SAXO4: variants seen among roughly 807,000 people sequenced by gnomAD.
SAXO4 encodes stabilizer of axonemal microtubules 4.
At chr11:61,490,498 C>A in the SAXO4 span, 1 of 1,614,012 alleles carries the variant, frequency 6.2e-7, no homozygotes, top group Non-Finnish European at 8.5e-7. Context: ...TGCCTCCCTG[C>A]AGAACCCTGA....
the SAXO4 span, chr11:61,482,173 T>C: frequency 1.3e-6 from 1 of 755,234 alleles, no homozygotes; most frequent in Non-Finnish European, 2.2e-6. Context: ...AAGGGCAGGC[T>C]TGCAAAGCTC....
chr11:61,489,745 G>A, the SAXO4 span: 1 of 1,611,174 alleles, frequency 6.2e-7, no homozygotes, highest in Non-Finnish European at 8.5e-7. Flanking sequence ...GGTGGGCAGA[G>A]TCCAGCTTCC....
chr11:61,484,700 C>T, the SAXO4 span: 1 of 1,613,684 alleles, frequency 6.2e-7, no homozygotes, highest in East Asian at 2.2e-5. Flanking sequence ...CCGGAAGGTC[C>T]ATTTCGACAC....
chr11:61,490,504 C>T, the SAXO4 span: 9 of 1,614,098 alleles, frequency 5.6e-6, no homozygotes, highest in Non-Finnish European at 6.8e-6. Context: ...CCTGCAGAAC[C>T]CTGACCTCAG....
chr11:61,488,374 G>A, the SAXO4 span, among the ~76,000 whole-genome samples: 1 of 146,244 alleles, frequency 6.8e-6, no homozygotes, highest in Non-Finnish European at 1.5e-5. Context: ...GTGCGATCTC[G>A]GCTCACTGCA....
At chr11:61,486,834 G>T in the SAXO4 span, 58 of 960,776 alleles carry the variant, frequency 6.0e-5, 1 homozygote, top group South Asian at 8.0e-4. Flanking sequence ...AGGGAGGGTC[G>T]CTGGGGCTGT....
chr11:61,485,221 C>T, the SAXO4 span: 2 of 851,510 alleles, frequency 2.3e-6, no homozygotes, highest in Non-Finnish European at 3.8e-6. Context: ...GGGTGCTGTA[C>T]TGGCCCACAC....
chr11:61,481,534 A>C, the SAXO4 span, among the ~76,000 whole-genome samples: 3 of 152,190 alleles, frequency 2.0e-5, no homozygotes, highest in Admixed American at 2.0e-4. Flanking sequence ...TCACTGTCCC[A>C]GTGGTAAATG....
At chr11:61,481,878 C>T in the SAXO4 span, 1 of 1,573,128 alleles carries the variant, frequency 6.4e-7, no homozygotes, top group African/African-American at 1.4e-5. Flanking sequence ...GCTACACGGA[C>T]CCCCTGAAAT....
At chr11:61,484,067 T>C in the SAXO4 span, among the ~76,000 whole-genome samples, 1 of 151,480 alleles carries the variant, frequency 6.6e-6, no homozygotes, top group South Asian at 2.1e-4. Flanking sequence ...TGAAACCCCA[T>C]CTCTACCAAA....
the SAXO4 span, chr11:61,481,991 G>A: frequency 2.2e-5 from 23 of 1,068,248 alleles, no homozygotes; most frequent in Non-Finnish European, 2.9e-5. Flanking sequence ...TGAGGGAGGA[G>A]CAGACCCTCT....
the SAXO4 span, chr11:61,485,505 G>A: frequency 9.6e-7 from 1 of 1,039,884 alleles, no homozygotes; most frequent in Non-Finnish European, 1.4e-6. Context: ...GAAGGCACCA[G>A]TGGAAGAAAG....
At chr11:61,489,844 C>A in the SAXO4 span, 1 of 1,613,758 alleles carries the variant, frequency 6.2e-7, no homozygotes, top group Non-Finnish European at 8.5e-7. Flanking sequence ...GGCATCCAGC[C>A]CCAGATGCCA....
the SAXO4 span, among the ~76,000 whole-genome samples, chr11:61,487,486 A>AG: frequency 6.6e-6 from 1 of 152,198 alleles, no homozygotes; most frequent in Non-Finnish European, 1.5e-5. Context: ...TAGGCCAGCT[A>AG]TCCCACTGGG....
the SAXO4 span, chr11:61,482,016 A>G: frequency 1.2e-6 from 1 of 849,494 alleles, no homozygotes; most frequent in Non-Finnish European, 1.9e-6. Flanking sequence ...GTCACACTGC[A>G]GAGCAACTGC....
At chr11:61,490,640 T>C in the SAXO4 span, 12 of 1,476,008 alleles carry the variant, frequency 8.1e-6, no homozygotes, top group Middle Eastern at 1.7e-4. Flanking sequence ...GCAACCGTTA[T>C]GGGCCAGCCC....
At chr11:61,485,762 A>G in the SAXO4 span, 1 of 1,538,428 alleles carries the variant, frequency 6.5e-7, no homozygotes. Context: ...TGGGTGGGCC[A>G]GGTGGCCTGG....
the SAXO4 span, among the ~76,000 whole-genome samples, chr11:61,486,123 C>A: frequency 6.6e-6 from 1 of 152,252 alleles, no homozygotes; most frequent in African/African-American, 2.4e-5. Context: ...TAGCCAATGT[C>A]ATTCAGAGTT....
At chr11:61,488,068 C>A in the SAXO4 span, among the ~76,000 whole-genome samples, 1 of 149,324 alleles carries the variant, frequency 6.7e-6, no homozygotes, top group African/African-American at 2.5e-5. Flanking sequence ...CTCACCGCAA[C>A]CTTCGCCTCA....
Sources: allele counts gnomAD v4.1 joint callset (sites outside exome capture counted in the v4.1 genomes callset), GRCh38; gene constraint gnomAD v4.1.1; transcripts MANE v1.5; gene names NCBI Gene and HGNC (gene_info 2026-07-23, HGNC 2026-07-21).